The following XXYLT1 variants were observed in gnomAD, a reference collection of about 807,000 sequenced individuals.
XXYLT1 encodes the protein UDP-xylose:alpha-xyloside alpha-1,3-xylosyltransferase.
A neutral mutation model predicts 28.9 loss-of-function variants in XXYLT1; 20 were observed. That is an observed-to-expected ratio of 0.69 (90% CI 0.49 to 1.00). The LOEUF (loss-of-function observed/expected upper bound fraction) is 1.00, where lower values mean the gene tolerates loss of function less well. XXYLT1 is among the 50% of genes least tolerant of loss of function. XXYLT1 has a pLI of 0.00. For missense variants in XXYLT1, 542 were observed against 560.1 expected, an observed-to-expected ratio of 0.97 and a Z score of 0.33; for synonymous variants, 257 against 253.8, an observed-to-expected ratio of 1.01 and a Z score of -0.12.
intron 3 of XXYLT1, among the ~76,000 whole-genome samples, chr3:195,130,563 G>T: frequency 6.6e-6 from 1 of 150,994 alleles, no homozygotes; most frequent in East Asian, 2.0e-4. Context: ...GTAGATCAGG[G>T]AAAGGGTTCA....
chr3:195,068,868 G>A lies in XXYLT1; in HGVS notation c.*847C>T, dbSNP rs979765134. 2.0e-5 allele frequency: 3 copies of A among 146,450 alleles called. No individual in the cohort carries two copies. Among genetic ancestry groups the A allele is most frequent in the Admixed American group, 6.7e-5 (1 of 14,944 alleles). The allele number at this position is 146,450 out of a possible 1,614,324, so 9.1% of individuals were successfully genotyped here. On this transcript the variant is annotated 3_prime_UTR_variant, in exon 4 of 4. Coordinates refer to ENST00000310380, the MANE Select transcript of XXYLT1 (RefSeq NM_152531.5). ...AAAGTGTTGGGATTACAGGCTTGAC[G>A]ACTGTGCCCGGCCTGGGCTTTTTGG... is the stretch of plus-strand genomic sequence containing the variant.
chr3:195,218,307 G>A (rs1723663709), intron 2 of XXYLT1, among the ~76,000 whole-genome samples: 1 of 149,768 alleles, frequency 6.7e-6, no homozygotes, highest in African/African-American at 2.4e-5. Context: ...AGACAAAATT[G>A]ACAAATGGGA....
chr3:195,101,370 A>T (rs1716762906), intron 3 of XXYLT1, among the ~76,000 whole-genome samples: 1 of 152,266 alleles, frequency 6.6e-6, no homozygotes. Flanking sequence ...GCTGGTTAGT[A>T]TCTTTACTCT....
intron 3 of XXYLT1, among the ~76,000 whole-genome samples, chr3:195,141,374 C>G (rs1469443884): frequency 6.6e-6 from 1 of 152,210 alleles, no homozygotes; most frequent in East Asian, 1.9e-4. Context: ...GCATAGTTTG[C>G]TACGTGAGTG....
In XXYLT1 at chr3:195,173,524, A is replaced by G. The variant is rs116360379; in HGVS notation, c.653-16943T>C. On this transcript the variant is annotated intron_variant, in intron 2 of 3. Coordinates refer to ENST00000310380, the MANE Select transcript of XXYLT1 (RefSeq NM_152531.5). The surrounding 1 kb of genome is among the most constrained non-coding windows in gnomAD (Gnocchi z 4.3). ...AAAACGGACATGAAACTCTATTTTT[A>G]TTCACTGAATCGTATGCTCCTAATG... Among the ~76,000 whole-genome samples, 1,450 of 152,338 alleles carry G rather than the reference A, an allele frequency of 9.5e-3. 26 individuals carry two copies. The highest frequency in any genetic ancestry group is 0.033 in the African/African-American group (1,390 of 41,566).
At chr3:195,220,739 C>A (rs1723789851) in intron 2 of XXYLT1, among the ~76,000 whole-genome samples, 1 of 152,198 alleles carries the variant, frequency 6.6e-6, no homozygotes, top group East Asian at 1.9e-4. Flanking sequence ...TCCTTCGAAG[C>A]CTCTGGGCTC....
rs1442418831 is a variant in XXYLT1, at chr3:195,240,250, T to G, written c.505-13394A>C. On this transcript the variant is annotated intron_variant, in intron 1 of 3. Transcript: ENST00000310380. This position sits in a 1 kb window ranked among gnomAD's most constrained non-coding sequence, Gnocchi z 4.7. ...GGAAAGAGGTGAAGCTTGCCTCATA[T>G]TCTACCATGCACAGCAAACTCAACA... Among the ~76,000 whole-genome samples the G allele has an allele frequency of 2.6e-5, 4 of 151,994 alleles. No homozygotes were observed. Among genetic ancestry groups the G allele is most frequent in the African/African-American group, 9.7e-5 (4 of 41,392 alleles).
intron 2 of XXYLT1, among the ~76,000 whole-genome samples, chr3:195,202,757 T>C (rs1308282590): frequency 6.6e-6 from 1 of 152,246 alleles, no homozygotes; most frequent in Non-Finnish European, 1.5e-5. Flanking sequence ...GATAGCCACT[T>C]AGGTCATCTT....
At chr3:195,086,963 C>T (rs1402577171) in intron 3 of XXYLT1, among the ~76,000 whole-genome samples, 2 of 152,150 alleles carry the variant, frequency 1.3e-5, no homozygotes, top group Non-Finnish European at 2.9e-5. Flanking sequence ...CGATACCTCC[C>T]ACCTGTACCA....
intron 3 of XXYLT1, among the ~76,000 whole-genome samples, chr3:195,104,517 C>T (rs1014134457): frequency 1.3e-5 from 2 of 152,100 alleles, no homozygotes; most frequent in African/African-American, 2.4e-5. Context: ...GCTGCTCACA[C>T]GACCATGTGT....
intron 1 of XXYLT1, 22 bp downstream of exon 1, chr3:195,270,533 C>A: frequency 7.3e-7 from 1 of 1,365,126 alleles, no homozygotes; most frequent in Non-Finnish European, 9.4e-7. Context: ...CCACCGGGAG[C>A]CCCCAGCCGC....
rs145179398 is a variant in XXYLT1, at chr3:195,210,115, G to T, written c.652+16594C>A. Among the ~76,000 whole-genome samples the T allele has an allele frequency of 2.8e-3, 414 of 150,376 alleles. 2 individuals are homozygous for T. The highest frequency in any genetic ancestry group is 0.01 in the African/African-American group (400 of 39,850). On this transcript the variant is annotated intron_variant, in intron 2 of 3. Coordinates refer to ENST00000310380, the MANE Select transcript of XXYLT1 (RefSeq NM_152531.5). The surrounding 1 kb of genome is among the most constrained non-coding windows in gnomAD (Gnocchi z 4.8). ...CACCCTGGCCCAGAATGCCTGCTCG[G>T]CCCCTCCCCCAGCCTTCACCCCAAG...
At chr3:195,145,133 G>C (rs1175809962) in intron 3 of XXYLT1, among the ~76,000 whole-genome samples, 1 of 152,196 alleles carries the variant, frequency 6.6e-6, no homozygotes, top group Non-Finnish European at 1.5e-5. Context: ...CGTGATCCTT[G>C]GGCCGGTCAA....
At chr3:195,134,826 G>GGTGTGTGTGTGTGTGTGTGT (rs3073321) in intron 3 of XXYLT1, among the ~76,000 whole-genome samples, 1 of 145,482 alleles carries the variant, frequency 6.9e-6, no homozygotes, top group Non-Finnish European at 1.5e-5. Flanking sequence ...CGTGAAGAGG[G>GGTGTGTGTGTGTGTGTGTGT]GTGTGTGTGT....
chr3:195,169,190 G>A (rs994809366), intron 2 of XXYLT1, among the ~76,000 whole-genome samples: 1 of 152,268 alleles, frequency 6.6e-6, no homozygotes, highest in African/African-American at 2.4e-5. Context: ...CCGCGGCAAC[G>A]CGCTTAGCAG....
intron 1 of XXYLT1, chr3:195,259,563 C>T (rs1247671564): frequency 4.1e-6 from 4 of 985,354 alleles, no homozygotes; most frequent in South Asian, 4.7e-5. Flanking sequence ...CAGGGAGAGG[C>T]CTCCCGCCCC....
At chr3:195,085,623 G>A (rs997947937) in intron 3 of XXYLT1, among the ~76,000 whole-genome samples, 4 of 152,222 alleles carry the variant, frequency 2.6e-5, no homozygotes, top group South Asian at 2.1e-4. Flanking sequence ...TGCGGGCCGC[G>A]GTGGGCAGCC....
rs79397351 is a variant in XXYLT1, at chr3:195,126,338, C to G, written c.785+30111G>C. Among the ~76,000 whole-genome samples the G allele has an allele frequency of 7.4e-3, 1,124 of 152,346 alleles. 15 individuals are homozygous for G. The highest frequency in any genetic ancestry group is 0.025 in the African/African-American group (1,055 of 41,584). Reference sequence around the variant, plus strand: ...TCTTTGGCGCTGTCCTGGCCTGTGGCAGGTCAGAAGTTGCCTTCCCACTGG... The same window carrying G: ...TCTTTGGCGCTGTCCTGGCCTGTGGGAGGTCAGAAGTTGCCTTCCCACTGG... On this transcript the variant is annotated intron_variant, in intron 3 of 3. Transcript: ENST00000310380.
chr3:195,246,241 C>T (rs1210552224), intron 1 of XXYLT1, among the ~76,000 whole-genome samples: 1 of 152,180 alleles, frequency 6.6e-6, no homozygotes, highest in Non-Finnish European at 1.5e-5. Context: ...AGCATCGGTC[C>T]CCAGGAAGAC....
Sources: gnomAD v4.1 joint callset for allele counts (sites outside exome capture counted in the v4.1 genomes callset) on GRCh38, gnomAD v4.1.1 for gene constraint, Gnocchi (gnomAD v3.1) non-coding constraint, MANE v1.5 for transcripts, NCBI Gene and HGNC (gene_info 2026-07-23, HGNC 2026-07-21) for gene names.